RIN2: variants seen among roughly 807,000 people sequenced by gnomAD.
RIN2 encodes the protein Ras and Rab interactor 2.
Under a neutral mutation model 78.0 loss-of-function variants are expected in RIN2, and 36 were observed. The ratio of observed to expected loss-of-function variants is 0.46; its 90% CI spans 0.35 to 0.61. The LOEUF is 0.61. Ranked by LOEUF, RIN2 falls within the 20% of genes least tolerant of loss-of-function variation. The probability of loss-of-function intolerance (pLI) is 0.00; values close to 1 mark genes in which losing one functional copy is unlikely to be tolerated. For synonymous variants in RIN2, 466 were observed against 466.8 expected, an observed-to-expected ratio of 1.00 and a Z score of 0.02; for missense variants, 1,087 against 1,159.7, an observed-to-expected ratio of 0.94 and a Z score of 0.91.
chr20:19,965,707 G>A (rs2041917055), intron 7 of RIN2, among the ~76,000 whole-genome samples: 1 of 152,170 alleles, frequency 6.6e-6, no homozygotes, highest in Non-Finnish European at 1.5e-5. Context: ...TGCCTCCTGG[G>A]ATCAAGCAAT....
At chr20:19,906,089 C>T (rs557412756) in intron 3 of RIN2, among the ~76,000 whole-genome samples, 17 of 152,304 alleles carry the variant, frequency 1.1e-4, no homozygotes, top group African/African-American at 3.8e-4. Context: ...GCCTGATCTC[C>T]CAGGGCAGGT....
chr20:19,970,781 A>G (rs1174522867), intron 7 of RIN2, 57 bp from the exon 8 acceptor site: 1 of 1,336,624 alleles, frequency 7.5e-7, no homozygotes, highest in East Asian at 2.4e-5. Flanking sequence ...GAAAATAAAC[A>G]CAAGATAGAA....
intron 2 of RIN2, among the ~76,000 whole-genome samples, chr20:19,859,816 C>A (rs992166321): frequency 6.6e-6 from 1 of 152,188 alleles, no homozygotes; most frequent in African/African-American, 2.4e-5. Context: ...CCTGCGTTCT[C>A]TATATGGAGA....
chr20:19,957,858 A>G (rs1180736333), intron 5 of RIN2, among the ~76,000 whole-genome samples: 1 of 152,244 alleles, frequency 6.6e-6, no homozygotes, highest in East Asian at 1.9e-4. Flanking sequence ...TAGATGGTGC[A>G]AAATTTGGAA....
intron 3 of RIN2, among the ~76,000 whole-genome samples, chr20:19,914,326 A>G (rs562398859): frequency 2.5e-4 from 38 of 152,160 alleles, no homozygotes; most frequent in Non-Finnish European, 4.6e-4. Flanking sequence ...CAGGTCTTCA[A>G]TAATGTTGAC....
intron 3 of RIN2, among the ~76,000 whole-genome samples, chr20:19,929,896 C>T (rs575855598): frequency 2.0e-5 from 3 of 152,288 alleles, no homozygotes; most frequent in East Asian, 3.9e-4. Flanking sequence ...AAAATCCAAC[C>T]GTCAGAGGGG....
Position 19,975,528 on chromosome 20 carries a change from C to T in RIN2, c.1503C>T (p.Ser501=), listed in dbSNP as rs1167317470. 3.1e-6 allele frequency: 5 copies of T among 1,614,034 alleles called. No homozygotes were observed. Among genetic ancestry groups the T allele is most frequent in the Admixed American group, 3.3e-5 (2 of 60,030 alleles). Residue 501 remains serine, a synonymous_variant, in exon 9 of 13, where the codon AGC becomes AGT. Coordinates refer to ENST00000255006, the MANE Select transcript of RIN2 (RefSeq NM_018993.4). The surrounding 1 kb of genome is among the most constrained non-coding windows in gnomAD (Gnocchi z 4.9). The part of the protein sequence containing the change: ...KLVKSQLQKV[S]GVFSSFMTPE... ...TCAAGTCCCAGCTGCAGAAGGTGAG[C>T]GGGGTGTTCAGCTCCTTCATGACCC...
chr20:19,801,720 G>C (rs551292386), intron 2 of RIN2, among the ~76,000 whole-genome samples: 26 of 152,220 alleles, frequency 1.7e-4, no homozygotes, highest in Middle Eastern at 3.4e-3. Context: ...TTTTCTTCTA[G>C]CAAAGACCCT....
Position 19,812,301 on chromosome 20 carries a change from C to T in RIN2, c.-37+12554C>T, listed in dbSNP as rs371220955. 3.0e-4 allele frequency among the ~76,000 whole-genome samples: 45 copies of T among 152,192 alleles called. No homozygotes were observed. In the South Asian group the frequency reaches 8.1e-3, roughly 27 times the overall value. Reference sequence around the variant, plus strand: ...TTTAAGAAACTACCCAACTGTTTTCCGAAGAGACTGTACCATTTTATGTTC... The same window carrying T: ...TTTAAGAAACTACCCAACTGTTTTCTGAAGAGACTGTACCATTTTATGTTC... On this transcript the variant is annotated intron_variant, in intron 2 of 12. Coordinates refer to ENST00000255006, the MANE Select transcript of RIN2 (RefSeq NM_018993.4).
At chr20:19,847,729 G>T (rs1192969015) in intron 2 of RIN2, among the ~76,000 whole-genome samples, 1 of 152,018 alleles carries the variant, frequency 6.6e-6, no homozygotes, top group East Asian at 1.9e-4. Flanking sequence ...AGATATATTG[G>T]GAAATTAAAT....
intron 1 of RIN2, among the ~76,000 whole-genome samples, chr20:19,796,758 AG>A (rs1040920975): frequency 6.6e-6 from 1 of 152,210 alleles, no homozygotes; most frequent in African/African-American, 2.4e-5. Context: ...GTGTGCAGCC[AG>A]GTTGGAGAAT....
intron 2 of RIN2, among the ~76,000 whole-genome samples, chr20:19,800,454 G>T (rs956227197): frequency 2.6e-5 from 4 of 152,184 alleles, no homozygotes; most frequent in African/African-American, 9.6e-5. Flanking sequence ...AAAGAATGTG[G>T]CAAAGTGATG....
chr20:19,975,678 C>G lies in RIN2; in HGVS notation c.1653C>G (p.Thr551=). The G allele has an allele frequency of 2.5e-6, 4 of 1,613,648 alleles. No individual in the cohort carries two copies. Among genetic ancestry groups the G allele is most frequent in the Non-Finnish European group, 3.4e-6 (4 of 1,179,890 alleles). ...QENKECHVSS[T]DMLQTIRQFM... ...ACAAGGAGTGCCACGTGTCCAGCAC[C>G]GACATGCTGCAGACCATCCGGCAGT... Residue 551 remains threonine (T), a synonymous_variant, in exon 9 of 13, where the codon ACC becomes ACG. Transcript: ENST00000255006. This position sits in a 1 kb window ranked among gnomAD's most constrained non-coding sequence, Gnocchi z 4.9.
intron 6 of RIN2, among the ~76,000 whole-genome samples, chr20:19,962,913 TGCCGTTGCACTCTCCA>T (rs1377220100): frequency 6.6e-6 from 1 of 151,848 alleles, no homozygotes; most frequent in East Asian, 1.9e-4. Flanking sequence ...TCCGAGATAG[TGCCGTTGCACTCTCCA>T]GCCTGGGCGA....
intron 11 of RIN2, among the ~76,000 whole-genome samples, chr20:19,993,675 C>A (rs2042868413): frequency 6.6e-6 from 1 of 152,128 alleles, no homozygotes; most frequent in Non-Finnish European, 1.5e-5. Flanking sequence ...CGATGAGCCT[C>A]CAAGGCCCTC....
chr20:19,897,072 C>T (rs1464755595), intron 3 of RIN2, among the ~76,000 whole-genome samples: 2 of 152,082 alleles, frequency 1.3e-5, no homozygotes, highest in African/African-American at 4.8e-5. Flanking sequence ...GTATTTTACA[C>T]TCAGCATGTC....
At chr20:19,902,294 G>A (rs1403219712) in intron 3 of RIN2, among the ~76,000 whole-genome samples, 1 of 152,108 alleles carries the variant, frequency 6.6e-6, no homozygotes, top group Non-Finnish European at 1.5e-5. Flanking sequence ...TGCTGACTCT[G>A]TGCCTCAGCC....
At chr20:19,990,534 G>T (rs1474569870) in intron 10 of RIN2, among the ~76,000 whole-genome samples, 1 of 152,078 alleles carries the variant, frequency 6.6e-6, no homozygotes, top group Non-Finnish European at 1.5e-5. Flanking sequence ...TTTGTACCAG[G>T]CCGATTTAAT....
At chr20:19,768,618 ATCC>A (rs1345848539) in intron 1 of RIN2, among the ~76,000 whole-genome samples, 1 of 152,236 alleles carries the variant, frequency 6.6e-6, no homozygotes, top group Non-Finnish European at 1.5e-5. Flanking sequence ...ACCTGTTCTC[ATCC>A]TCACACAGGC....
Sources: gnomAD v4.1 joint callset for allele counts (sites outside exome capture counted in the v4.1 genomes callset) on GRCh38, gnomAD v4.1.1 for gene constraint, Gnocchi (gnomAD v3.1) non-coding constraint, MANE v1.5 for transcripts, NCBI Gene and HGNC (gene_info 2026-07-23, HGNC 2026-07-21) for gene names.